SPATA7: variants seen among roughly 807,000 people sequenced by gnomAD.
The protein encoded by SPATA7 is spermatogenesis associated 7.
Under a neutral mutation model 51.8 loss-of-function variants are expected in SPATA7, and 43 were observed. That is an observed-to-expected ratio of 0.83 (90% CI 0.65 to 1.07). The LOEUF is 1.07. Among genes scored for constraint, SPATA7 ranks in the 50% least tolerant of loss-of-function variants. The pLI is 0.00. For synonymous variants in SPATA7, 230 were observed against 252.8 expected (o/e 0.91, Z 0.86); for missense variants, 683 against 701.3 (o/e 0.97, Z 0.30).
chr14:88,470,065 G>C, exon 5 of SPATA7: 1 of 1,609,772 alleles, frequency 6.2e-7, no homozygotes. Context: ...GATTAGAAAA[G>C]GTTAAAAAAA....
chr14:88,450,010 G>A (rs2077240542), intron 3 of SPATA7, among the ~76,000 whole-genome samples: 1 of 151,878 alleles, frequency 6.6e-6, no homozygotes, highest in African/African-American at 2.4e-5. Flanking sequence ...GCTTGTTATT[G>A]GCCTGTTCAG....
chr14:88,461,506 G>A (rs1484529011), intron 4 of SPATA7, among the ~76,000 whole-genome samples: 1 of 152,302 alleles, frequency 6.6e-6, no homozygotes, highest in Non-Finnish European at 1.5e-5. Flanking sequence ...GACCCTCCGA[G>A]CCAGGTGTGG....
At chr14:88,404,330 T>G (rs1157913216) in intron 4 of SPATA7, among the ~76,000 whole-genome samples, 2 of 152,148 alleles carry the variant, frequency 1.3e-5, no homozygotes, top group Non-Finnish European at 2.9e-5. Flanking sequence ...TGACAAAATG[T>G]TCCAAAATTA....
At chr14:88,423,398 A>G (rs2076698678) in intron 5 of SPATA7, among the ~76,000 whole-genome samples, 1 of 139,932 alleles carries the variant, frequency 7.1e-6, no homozygotes, top group Non-Finnish European at 1.5e-5. Context: ...AAAATACAAG[A>G]AAAAAAAAAA....
At chr14:88,448,797 G>A (rs2077231749) in intron 3 of SPATA7, among the ~76,000 whole-genome samples, 1 of 152,200 alleles carries the variant, frequency 6.6e-6, no homozygotes, top group African/African-American at 2.4e-5. Context: ...TAGGCTGCTC[G>A]GGGGTCAGGG....
rs939055529 is a variant in SPATA7, at chr14:88,393,313, A to G, written c.95-80A>G. On this transcript the variant is annotated intron_variant, in intron 2 of 11. Transcript: ENST00000393545. ...AATTTCAGAACATTTTATAAGAATG[A>G]GTTAAATAATCAGTGCCTTGTTTAT... is the stretch of plus-strand genomic sequence containing the variant. 6 of 937,856 alleles carry G rather than the reference A, an allele frequency of 6.4e-6. No homozygotes were observed. The African/African-American group carries it at 8.3e-5, about 13-fold the overall frequency. The allele number at this position is 937,856 out of a possible 1,614,324, so 58.1% of individuals were successfully genotyped here.
intron 4 of SPATA7, among the ~76,000 whole-genome samples, chr14:88,402,705 A>G (rs942989987): frequency 2.6e-5 from 4 of 152,160 alleles, no homozygotes; most frequent in African/African-American, 9.6e-5. Context: ...TAAAACTACT[A>G]GAAGAGAACA....
At chr14:88,445,456 TCCTAACTGAATAC>T (rs1191362759) in intron 3 of SPATA7, among the ~76,000 whole-genome samples, 1 of 152,190 alleles carries the variant, frequency 6.6e-6, no homozygotes, top group East Asian at 1.9e-4. Flanking sequence ...CTTCCTCTTT[TCCTAACTGAATAC>T]CCTTTATTTC....
At chr14:88,449,445 A>G (rs896242241) in intron 3 of SPATA7, among the ~76,000 whole-genome samples, 18 of 152,076 alleles carry the variant, frequency 1.2e-4, no homozygotes, top group African/African-American at 3.9e-4. Flanking sequence ...AGAGTACTTG[A>G]TAAGATTTTT....
downstream of SPATA7, among the ~76,000 whole-genome samples, chr14:88,459,858 G>A (rs1195410299): frequency 7.2e-5 from 11 of 151,850 alleles, no homozygotes; most frequent in South Asian, 2.1e-3. Flanking sequence ...GGTACCAGTC[G>A]TTCCTTTCCA....
chr14:88,422,831 T>C (rs940062523), intron 5 of SPATA7, among the ~76,000 whole-genome samples: 5 of 152,042 alleles, frequency 3.3e-5, no homozygotes, highest in African/African-American at 7.2e-5. Flanking sequence ...TACACTCAGA[T>C]TGTCTTAAGA....
At chr14:88,415,221 A>G (rs2076443885) in intron 4 of SPATA7, 1 of 349,912 alleles carries the variant, frequency 2.9e-6, no homozygotes. Flanking sequence ...AAGTACTTGT[A>G]TGAATCTGGG....
downstream of SPATA7, among the ~76,000 whole-genome samples, chr14:88,441,856 C>G (rs527899341): frequency 6.6e-6 from 1 of 152,238 alleles, no homozygotes; most frequent in South Asian, 2.1e-4. Flanking sequence ...TAAGTATCAT[C>G]TGTTTATCTC....
chr14:88,388,484 C>T (rs1249329879), intron 1 of SPATA7, among the ~76,000 whole-genome samples: 3 of 152,188 alleles, frequency 2.0e-5, no homozygotes, highest in Non-Finnish European at 4.4e-5. Flanking sequence ...GGCTACTTCT[C>T]CATGCCCCTT....
At chr14:88,463,770 G>C (rs1421963319) in intron 4 of SPATA7, among the ~76,000 whole-genome samples, 1 of 152,212 alleles carries the variant, frequency 6.6e-6, no homozygotes, top group East Asian at 1.9e-4. Flanking sequence ...GACTTCAAAT[G>C]TTTTCTAAAA....
At chr14:88,448,488 CAA>C in intron 3 of SPATA7, among the ~76,000 whole-genome samples, 1 of 152,338 alleles carries the variant, frequency 6.6e-6, no homozygotes, top group Non-Finnish European at 1.5e-5. Context: ...CTCAGCTCGT[CAA>C]AGTCATTCTC....
At chr14:88,416,501 T>C in intron 4 of SPATA7, 1 of 404,986 alleles carries the variant, frequency 2.5e-6, no homozygotes, top group Admixed American at 4.2e-5. Context: ...TTTCTATAAA[T>C]TAAATGTGTT....
At chr14:88,439,742 A>T (rs369791232), downstream of SPATA7, among the ~76,000 whole-genome samples, 6 of 152,068 alleles carry the variant, frequency 3.9e-5, no homozygotes, top group Non-Finnish European at 5.9e-5. Context: ...CATTCATGGG[A>T]TGCTGACCAT....
intron 3 of SPATA7, among the ~76,000 whole-genome samples, chr14:88,452,756 T>C (rs183300000): frequency 6.6e-6 from 1 of 152,310 alleles, no homozygotes; most frequent in East Asian, 1.9e-4. Flanking sequence ...TGCCACTCTC[T>C]TCTTTAAAAC....
Sources: gnomAD v4.1 joint callset for allele counts (sites outside exome capture counted in the v4.1 genomes callset) on GRCh38, gnomAD v4.1.1 for gene constraint, MANE v1.5 for transcripts, NCBI Gene and HGNC (gene_info 2026-07-23, HGNC 2026-07-21) for gene names.